NALCN: variants seen among roughly 807,000 people sequenced by gnomAD.
NALCN encodes the protein sodium leak channel NALCN.
In NALCN, 111 loss-of-function variants were observed where a neutral mutation model predicts 225.3. That is an observed-to-expected ratio of 0.49 (90% CI 0.42 to 0.58). NALCN has a LOEUF of 0.58. Ranked by LOEUF, NALCN falls within the 20% of genes least tolerant of loss-of-function variation. The pLI is 0.00. For missense variants in NALCN, 1,378 were observed against 2,202.4 expected (o/e 0.63, Z 7.49); for synonymous variants, 764 against 769.0 (o/e 0.99, Z 0.11).
intron 13 of NALCN, among the ~76,000 whole-genome samples, chr13:101,207,889 G>A (rs1309244452): frequency 6.6e-6 from 1 of 152,202 alleles, no homozygotes; most frequent in African/African-American, 2.4e-5. Flanking sequence ...GGTCCGCACT[G>A]TCTTTATGAG....
intron 1 of NALCN, among the ~76,000 whole-genome samples, chr13:101,400,800 A>C (rs2047455070): frequency 1.3e-5 from 2 of 152,044 alleles, no homozygotes; most frequent in African/African-American, 4.8e-5. Context: ...TTGAATTATA[A>C]TCCCCACAAT....
At chr13:101,225,248 G>A (rs545669557) in intron 13 of NALCN, among the ~76,000 whole-genome samples, 29 of 151,994 alleles carry the variant, frequency 1.9e-4, no homozygotes, top group Non-Finnish European at 4.4e-5. Context: ...CCCTATCTCC[G>A]CCTGCATTAT....
At chr13:101,361,541 A>G (rs756442416) in intron 6 of NALCN, among the ~76,000 whole-genome samples, 1 of 152,210 alleles carries the variant, frequency 6.6e-6, no homozygotes, top group Non-Finnish European at 1.5e-5. Flanking sequence ...CATACACTGA[A>G]CAAGTTACAA....
At chr13:101,244,424 C>T (rs2041834334) in intron 11 of NALCN, among the ~76,000 whole-genome samples, 1 of 152,056 alleles carries the variant, frequency 6.6e-6, no homozygotes, top group Non-Finnish European at 1.5e-5. Context: ...TTTTGAAAGA[C>T]ACTAAAAGGC....
Position 101,124,700 on chromosome 13 carries a change from T to A in NALCN, c.2119-19A>T, listed in dbSNP as rs748285468. The A allele has an allele frequency of 6.2e-6, 10 of 1,603,838 alleles. No individual in the cohort carries two copies. In the South Asian group the frequency reaches 8.9e-5, roughly 14 times the overall value. On this transcript the variant is annotated intron_variant, in intron 17 of 43. Coordinates refer to ENST00000251127, the MANE Select transcript of NALCN (RefSeq NM_052867.4). Reference sequence around the variant, plus strand: ...TGCGAAGCTGAAAATGATAAGAGTATGACTTTTAGTTTTGGAATGTTAAGA... The same window carrying A: ...TGCGAAGCTGAAAATGATAAGAGTAAGACTTTTAGTTTTGGAATGTTAAGA...
intron 15 of NALCN, among the ~76,000 whole-genome samples, chr13:101,159,190 T>C (rs1277469443): frequency 6.6e-6 from 1 of 152,224 alleles, no homozygotes; most frequent in Non-Finnish European, 1.5e-5. Flanking sequence ...CTTTTATTCT[T>C]TCATTTGATC....
rs1326885422 is a variant in NALCN, at chr13:101,080,624, AAT to A, written c.3885+901_3885+902del. Reference sequence around the variant, plus strand: ...AATTAATTATATAATCAATTAAATTAATTATTTAATTAAATATATTAATATAT... The same window carrying A: ...AATTAATTATATAATCAATTAAATTATATTTAATTAAATATATTAATATAT... On this transcript the variant is annotated intron_variant, in intron 34 of 43. Transcript: ENST00000251127. Among the ~76,000 whole-genome samples, 522 of 64,960 alleles carry A rather than the reference AAT, an allele frequency of 8.0e-3. 4 individuals carry two copies. The highest frequency in any genetic ancestry group is 0.02 in the African/African-American group (503 of 25,510). The allele number at this position is 64,960 out of a possible 152,430, so 42.6% of individuals were successfully genotyped here.
intron 1 of NALCN, among the ~76,000 whole-genome samples, chr13:101,414,828 C>A (rs2047887811): frequency 6.6e-6 from 1 of 152,186 alleles, no homozygotes; most frequent in Non-Finnish European, 1.5e-5. Flanking sequence ...ATTTATTCTG[C>A]AAACAGATTA....
At chr13:101,363,173 C>G (rs960683585) in intron 6 of NALCN, among the ~76,000 whole-genome samples, 1 of 152,028 alleles carries the variant, frequency 6.6e-6, no homozygotes, top group Admixed American at 6.6e-5. Context: ...CCGAAGCAAT[C>G]TACAGTTTCA....
chr13:101,351,538 T>C (rs2045908114), intron 6 of NALCN, among the ~76,000 whole-genome samples: 1 of 152,176 alleles, frequency 6.6e-6, no homozygotes, highest in Non-Finnish European at 1.5e-5. Context: ...TTTAAGTTAT[T>C]CACCACTCCT....
At chr13:101,374,681 T>G (rs1890235) in intron 6 of NALCN, among the ~76,000 whole-genome samples, 27,421 of 152,046 alleles carry the variant, frequency 0.18, 2,830 homozygotes, top group Non-Finnish European at 0.24. Context: ...TGCTTTACTG[T>G]TTAACATTTA....
chr13:101,326,722 T>A (rs528398852), intron 7 of NALCN, among the ~76,000 whole-genome samples: 16 of 152,318 alleles, frequency 1.1e-4, no homozygotes, highest in Middle Eastern at 3.4e-3. Flanking sequence ...ATATGGTGGG[T>A]TAAAGCATCT....
chr13:101,303,753 G>C (rs540876057), intron 7 of NALCN, among the ~76,000 whole-genome samples: 1 of 152,230 alleles, frequency 6.6e-6, no homozygotes, highest in East Asian at 1.9e-4. Context: ...AGGCACATTG[G>C]CAAGACGGCT....
At position 101,057,167 on chromosome 13, in the gene NALCN, T is replaced by G. The variant is rs528463091; in HGVS notation, c.5023+772A>C. On this transcript the variant is annotated intron_variant, in intron 43 of 43. Transcript: ENST00000251127. The stretch of plus-strand genomic sequence containing the variant: ...CAGTTAAAGAGCATTATAAAGCTCC[T>G]GCTTTAGCATGAACTTAGTTATCTA... 2.0e-5 allele frequency: 3 copies of G among 152,386 alleles called. No homozygotes were observed. The South Asian group carries it at 6.2e-4, about 32-fold the overall frequency. The allele number at this position is 152,386 out of a possible 1,614,324, so 9.4% of individuals were successfully genotyped here.
At chr13:101,267,114 T>C (rs577274436) in intron 10 of NALCN, among the ~76,000 whole-genome samples, 37 of 152,300 alleles carry the variant, frequency 2.4e-4, no homozygotes, top group African/African-American at 8.2e-4. Context: ...GCTGGCTCTC[T>C]TTATTGGAAT....
chr13:101,347,116 C>A (rs539747038), intron 6 of NALCN, among the ~76,000 whole-genome samples: 1 of 149,598 alleles, frequency 6.7e-6, no homozygotes, highest in Non-Finnish European at 1.5e-5. Flanking sequence ...GCTGCCACCA[C>A]GCATACACAC....
At chr13:101,105,855 T>C (rs1450096871) in intron 22 of NALCN, among the ~76,000 whole-genome samples, 2 of 152,136 alleles carry the variant, frequency 1.3e-5, no homozygotes, top group East Asian at 3.9e-4. Flanking sequence ...CACGCTTAAA[T>C]GTCCTCCTCT....
chr13:101,056,167 C>G lies in NALCN; in HGVS notation c.5024-679G>C, dbSNP rs1003279598. On this transcript the variant is annotated intron_variant, in intron 43 of 43. Coordinates refer to ENST00000251127, the MANE Select transcript of NALCN (RefSeq NM_052867.4). ...TTCTTCTCCTCTGCCTCCTCAAACT[C>G]AGCCTGACCCCAAGAGCATGTCTAT... is the stretch of plus-strand genomic sequence containing the variant. Among the ~76,000 whole-genome samples the G allele has an allele frequency of 2.6e-5, 4 of 151,786 alleles. No homozygotes were observed. In the East Asian group the frequency reaches 7.7e-4, roughly 29 times the overall value.
At chr13:101,103,546 T>C (rs2034939869) in intron 25 of NALCN, among the ~76,000 whole-genome samples, 1 of 126,468 alleles carries the variant, frequency 7.9e-6, no homozygotes, top group Non-Finnish European at 1.7e-5. Flanking sequence ...AGGAAAGAAA[T>C]GGGGGTGTCC....
Sources: allele counts gnomAD v4.1 joint callset (sites outside exome capture counted in the v4.1 genomes callset), GRCh38; gene constraint gnomAD v4.1.1; transcripts MANE v1.5; gene names NCBI Gene and HGNC (gene_info 2026-07-23, HGNC 2026-07-21).